Variants in ITGB5 observed in about 807,000 individuals in gnomAD.
ITGB5 encodes integrin beta-5.
A neutral mutation model predicts 84.8 loss-of-function variants in ITGB5; 38 were observed. The ratio of observed to expected loss-of-function variants is 0.45; its 90% CI spans 0.35 to 0.59. The LOEUF is 0.59. Ranked by LOEUF, ITGB5 falls within the 20% of genes least tolerant of loss-of-function variation. The pLI is 0.01. For missense variants in ITGB5, 905 were observed against 1,034.5 expected, an observed-to-expected ratio of 0.87 and a Z score of 1.72; for synonymous variants, 393 against 414.4, an observed-to-expected ratio of 0.95 and a Z score of 0.63.
intron 1 of ITGB5, among the ~76,000 whole-genome samples, chr3:124,877,763 G>A (rs72974559): frequency 0.023 from 3,561 of 152,228 alleles, 130 homozygotes; most frequent in African/African-American, 0.081. Context: ...CTGAGCTCTA[G>A]GGTCCTCTGG....
At chr3:124,876,934 A>T (rs554467863) in intron 1 of ITGB5, among the ~76,000 whole-genome samples, 1 of 151,392 alleles carries the variant, frequency 6.6e-6, no homozygotes, top group African/African-American at 2.4e-5. Context: ...TCACTCAGTG[A>T]GTTTTCTTTT....
At chr3:124,884,234 AAG>A (rs1167817674) in intron 1 of ITGB5, among the ~76,000 whole-genome samples, 213 of 152,248 alleles carry the variant, frequency 1.4e-3, no homozygotes, top group African/African-American at 5.0e-3. Context: ...GAAAAAAAAA[AAG>A]AATGTTGAAG....
In ITGB5 at chr3:124,813,797, G is replaced by A. The variant is rs2064542507; in HGVS notation, c.1128+3824C>T. ...CATGGAGGCATTGTTACATGGGCAT[G>A]ACTGGTCACATCTCTGGCTACTGGT... On this transcript the variant is annotated intron_variant, in intron 8 of 14. Coordinates refer to ENST00000296181, the MANE Select transcript of ITGB5 (RefSeq NM_002213.5). Among the ~76,000 whole-genome samples, 3 of 152,104 alleles carry A rather than the reference G, an allele frequency of 2.0e-5. No individual in the cohort carries two copies. The South Asian group carries it at 6.2e-4, about 32-fold the overall frequency.
intron 10 of ITGB5, among the ~76,000 whole-genome samples, chr3:124,788,089 G>A (rs949257491): frequency 3.9e-5 from 6 of 151,912 alleles, no homozygotes; most frequent in South Asian, 2.1e-4. Context: ...TTGTAGAGAC[G>A]GGGCCTTGCT....
rs553639444 is a variant in ITGB5 at position 124,761,993 on chromosome 3, A to C, written c.*1630T>G. On this transcript the variant is annotated 3_prime_UTR_variant, in exon 15 of 15. Coordinates refer to ENST00000296181, the MANE Select transcript of ITGB5 (RefSeq NM_002213.5). ...ATTTTTCTCAATTCAGAAAAGTCTC[A>C]ACACCACAATTTATCTGTTTAATGT... The C allele has an allele frequency of 2.5e-3, 374 of 152,324 alleles. 3 individuals carry two copies. The highest frequency in any genetic ancestry group is 8.2e-3 in the African/African-American group (341 of 41,572). 9.4% of individuals were successfully genotyped at this position (152,324 alleles called of 1,614,324 possible).
intron 11 of ITGB5, among the ~76,000 whole-genome samples, chr3:124,772,727 C>T (rs1276645508): frequency 4.6e-5 from 7 of 152,176 alleles, no homozygotes; most frequent in Non-Finnish European, 5.9e-5. Context: ...GAGGTCAGCA[C>T]GGCTATGGGA....
chr3:124,894,968 GT>G (rs1935073770), intron 1 of ITGB5, among the ~76,000 whole-genome samples: 1 of 151,240 alleles, frequency 6.6e-6, no homozygotes, highest in Non-Finnish European at 1.5e-5. Flanking sequence ...TTTTAAGAAA[GT>G]TTACGAATTT....
intron 2 of ITGB5, among the ~76,000 whole-genome samples, chr3:124,864,096 CTTTTTT>C (rs558311822): frequency 3.1e-4 from 14 of 45,518 alleles, no homozygotes; most frequent in African/African-American, 9.6e-4. Flanking sequence ...ACCTATATTT[CTTTTTT>C]TTTTTTTTTT....
At chr3:124,822,498 T>C (rs1034716361) in intron 5 of ITGB5, among the ~76,000 whole-genome samples, 1 of 152,148 alleles carries the variant, frequency 6.6e-6, no homozygotes, top group African/African-American at 2.4e-5. Flanking sequence ...TTACTTATCA[T>C]CATAATGGTG....
At chr3:124,835,151 A>T (rs1423116761) in intron 5 of ITGB5, among the ~76,000 whole-genome samples, 1 of 152,062 alleles carries the variant, frequency 6.6e-6, no homozygotes, top group Non-Finnish European at 1.5e-5. Flanking sequence ...GCAAAAAGAA[A>T]CGCAAACTCT....
chr3:124,802,370 A>C (rs1440155339), intron 9 of ITGB5, among the ~76,000 whole-genome samples: 1 of 152,220 alleles, frequency 6.6e-6, no homozygotes, highest in Non-Finnish European at 1.5e-5. Flanking sequence ...CTTTGGAGAC[A>C]GTTCAGCCTG....
chr3:124,796,618 TCACA>T lies in ITGB5; in HGVS notation c.1459_1462del (p.Cys487SerfsTer178). 1 of 1,614,082 alleles carries T rather than the reference TCACA, an allele frequency of 6.2e-7. No individual in the cohort carries two copies. The highest frequency in any genetic ancestry group is 8.5e-7 in the Non-Finnish European group (1 of 1,180,000). Reference sequence around the variant, plus strand: ...GGTGCCCAGGTAGCCGGGGCTGCACTCACACAGGCCGCAGACATAGGTCCCGCTC... The same window carrying T: ...GGTGCCCAGGTAGCCGGGGCTGCACTCAGGCCGCAGACATAGGTCCCGCTC... On this transcript the variant is annotated frameshift_variant, in exon 10 of 15. Coordinates refer to ENST00000296181, the MANE Select transcript of ITGB5 (RefSeq NM_002213.5). LOFTEE classifies it high-confidence loss of function.
intron 5 of ITGB5, among the ~76,000 whole-genome samples, chr3:124,839,168 G>T (rs771446518): frequency 1.3e-5 from 2 of 152,166 alleles, no homozygotes; most frequent in Non-Finnish European, 2.9e-5. Flanking sequence ...TAACTTTCCA[G>T]GTATTCCCTT....
chr3:124,805,231 T>C (rs1411536735), intron 9 of ITGB5, among the ~76,000 whole-genome samples: 3 of 151,492 alleles, frequency 2.0e-5, no homozygotes, highest in African/African-American at 7.3e-5. Context: ...CAGCCTCAAC[T>C]TCTCACACTC....
At chr3:124,800,993 G>T (rs1432696534) in intron 9 of ITGB5, among the ~76,000 whole-genome samples, 1 of 152,210 alleles carries the variant, frequency 6.6e-6, no homozygotes, top group African/African-American at 2.4e-5. Context: ...TGACTGGCCT[G>T]ATGCACCCTT....
At chr3:124,824,742 T>C (rs1553761057) in intron 5 of ITGB5, among the ~76,000 whole-genome samples, 1 of 152,088 alleles carries the variant, frequency 6.6e-6, no homozygotes, top group Non-Finnish European at 1.5e-5. Context: ...GCACAGACAA[T>C]TCACCAAAGA....
chr3:124,899,853 CAAAAAAAAAAAAAAAAA>C (rs60859904), intron 1 of ITGB5, among the ~76,000 whole-genome samples: 1 of 35,008 alleles, frequency 2.9e-5, no homozygotes, highest in Non-Finnish European at 4.3e-5. Context: ...GACCCTGTCT[CAAAAAAAAAAAAAAAAA>C]AAAAAAAAAA....
Position 124,763,659 on chromosome 3 carries a change from G to C in ITGB5, c.2364C>G (p.Asn788Lys). 6.2e-7 allele frequency: 1 copy of C among 1,608,602 alleles called. No homozygotes were observed. The highest frequency in any genetic ancestry group is 1.7e-5 in the Admixed American group (1 of 59,998). ...TGCCATTGTAGGATTTGTTGAACTT[G>C]TTGAAGGTGAAGTCCACAGTGTGCG... ...ISTHTVDFTFNKFNKSYNGTV... is the reference protein window; with the variant it reads ...ISTHTVDFTFKKFNKSYNGTV... Residue 788 changes from asparagine to lysine, a missense_variant, in exon 15 of 15, where the codon AAC becomes AAG. By Grantham distance (94) the Asn-to-Lys change is moderately conservative. Coordinates refer to ENST00000296181, the MANE Select transcript of ITGB5 (RefSeq NM_002213.5).
At chr3:124,844,774 C>T (rs779204481) in intron 4 of ITGB5, among the ~76,000 whole-genome samples, 2 of 152,202 alleles carry the variant, frequency 1.3e-5, no homozygotes, top group African/African-American at 4.8e-5. Flanking sequence ...AACAGAAAAA[C>T]TCCAGCTACT....
Sources: allele counts gnomAD v4.1 joint callset (sites outside exome capture counted in the v4.1 genomes callset), GRCh38; gene constraint gnomAD v4.1.1; transcripts MANE v1.5; gene names NCBI Gene and HGNC (gene_info 2026-07-23, HGNC 2026-07-21).